Variants in RPSA2 observed in about 807,000 individuals in gnomAD.
The protein encoded by RPSA2 is ribosomal protein SA 2.
At chr19:23,798,831 T>C in the RPSA2 span, 149 of 113,912 alleles carry the variant, frequency 1.3e-3, no homozygotes, top group African/African-American at 4.3e-3. Flanking sequence ...AGACAGATGA[T>C]GTGGCCACCC....
chr19:23,870,478 T>G, the RPSA2 span, among the ~76,000 whole-genome samples: 3 of 152,080 alleles, frequency 2.0e-5, no homozygotes, highest in Non-Finnish European at 2.9e-5. Context: ...AAAGCCCATT[T>G]GCAGGGAGCT....
chr19:23,859,782 G>A, the RPSA2 span, among the ~76,000 whole-genome samples: 4 of 152,220 alleles, frequency 2.6e-5, no homozygotes, highest in Admixed American at 2.0e-4. Flanking sequence ...AGCTCCCAGT[G>A]TCCAGGTTCA....
At chr19:23,765,926 TG>T in the RPSA2 span, among the ~76,000 whole-genome samples, 1 of 151,808 alleles carries the variant, frequency 6.6e-6, no homozygotes, top group Non-Finnish European at 1.5e-5. Context: ...TTCATTAGCA[TG>T]GATAGGTGTG....
chr19:23,861,361 G>A, the RPSA2 span, among the ~76,000 whole-genome samples: 3 of 152,084 alleles, frequency 2.0e-5, no homozygotes, highest in African/African-American at 7.2e-5. Context: ...ATTAAAGTGG[G>A]TGTCCACAAG....
chr19:23,838,098 T>G, the RPSA2 span, among the ~76,000 whole-genome samples: 1 of 152,236 alleles, frequency 6.6e-6, no homozygotes, highest in Non-Finnish European at 1.5e-5. Context: ...ATAGCTTTTA[T>G]TACATTAAGC....
chr19:23,766,839 A>G, the RPSA2 span, among the ~76,000 whole-genome samples: 9 of 150,582 alleles, frequency 6.0e-5, no homozygotes, highest in South Asian at 4.2e-4. Flanking sequence ...GCTCACTACA[A>G]TCTTCACCTC....
the RPSA2 span, among the ~76,000 whole-genome samples, chr19:23,845,158 G>T: frequency 4.3e-4 from 1 of 2,304 alleles, no homozygotes; most frequent in African/African-American, 8.0e-4. Flanking sequence ...TATTCTGTTT[G>T]TGGTTAATCT....
At chr19:23,836,151 C>T in the RPSA2 span, among the ~76,000 whole-genome samples, 1 of 152,006 alleles carries the variant, frequency 6.6e-6, no homozygotes, top group East Asian at 1.9e-4. Context: ...TCTCCCTTCC[C>T]ACTCTTCTCC....
the RPSA2 span, among the ~76,000 whole-genome samples, chr19:23,855,895 C>T: frequency 2.8e-4 from 42 of 152,076 alleles, no homozygotes; most frequent in East Asian, 6.8e-3. Flanking sequence ...AGGCAAAGAC[C>T]GCAAAGGTTT....
At chr19:23,796,204 G>A in the RPSA2 span, among the ~76,000 whole-genome samples, 7 of 152,136 alleles carry the variant, frequency 4.6e-5, no homozygotes, top group Non-Finnish European at 8.8e-5. Flanking sequence ...AGCCTTTTCA[G>A]CATCTATTGA....
At chr19:23,824,782 C>G in the RPSA2 span, among the ~76,000 whole-genome samples, 2 of 149,818 alleles carry the variant, frequency 1.3e-5, no homozygotes, top group East Asian at 3.9e-4. Context: ...TTTTCATCTT[C>G]TTTTTAAAGG....
chr19:23,844,052 C>T, the RPSA2 span, among the ~76,000 whole-genome samples: 1 of 152,156 alleles, frequency 6.6e-6, no homozygotes, highest in Non-Finnish European at 1.5e-5. Context: ...AACCACCGCA[C>T]CTGGCCTCTA....
the RPSA2 span, among the ~76,000 whole-genome samples, chr19:23,851,022 T>C: frequency 6.6e-6 from 1 of 152,194 alleles, no homozygotes; most frequent in Non-Finnish European, 1.5e-5. Flanking sequence ...CCAGGGGCAT[T>C]GTCTGTTTTT....
chr19:23,864,649 C>T, the RPSA2 span, among the ~76,000 whole-genome samples: 3 of 152,084 alleles, frequency 2.0e-5, no homozygotes, highest in South Asian at 2.1e-4. Context: ...TAGTTCTGAA[C>T]ATACTGATTT....
At chr19:23,774,080 G>A in the RPSA2 span, among the ~76,000 whole-genome samples, 1 of 152,170 alleles carries the variant, frequency 6.6e-6, no homozygotes, top group South Asian at 2.1e-4. Flanking sequence ...ATTTTTCTGT[G>A]TTGGTGCTGC....
chr19:23,758,586 G>A, the RPSA2 span, among the ~76,000 whole-genome samples: 1 of 152,198 alleles, frequency 6.6e-6, no homozygotes, highest in African/African-American at 2.4e-5. Context: ...GACGCCCGGG[G>A]GGCTGGCTGT....
the RPSA2 span, among the ~76,000 whole-genome samples, chr19:23,789,015 CTTTCTTTCTTTT>C: frequency 9.2e-5 from 1 of 10,872 alleles, no homozygotes; most frequent in African/African-American, 1.9e-4. Context: ...TCTTTTTTTT[CTTTCTTTCTTTT>C]TTTTTTTTTG....
chr19:23,858,285 A>G, the RPSA2 span, among the ~76,000 whole-genome samples: 1 of 148,616 alleles, frequency 6.7e-6, no homozygotes, highest in Non-Finnish European at 1.5e-5. Flanking sequence ...GTGATGAGAA[A>G]TTACTTAATA....
the RPSA2 span, among the ~76,000 whole-genome samples, chr19:23,870,563 G>A: frequency 2.6e-5 from 4 of 152,256 alleles, no homozygotes; most frequent in African/African-American, 9.6e-5. Context: ...AAACTCAAGA[G>A]TTTCAGCCTT....
Sources: allele counts gnomAD v4.1 joint callset (sites outside exome capture counted in the v4.1 genomes callset), GRCh38; gene constraint gnomAD v4.1.1; transcripts MANE v1.5; gene names NCBI Gene and HGNC (gene_info 2026-07-23, HGNC 2026-07-21).